DLGAP1: variants seen among roughly 807,000 people sequenced by gnomAD.
The protein encoded by DLGAP1 is DLG associated protein 1.
DLGAP1 carries 11 observed loss-of-function variants against 90.8 expected under a neutral mutation model. The observed-to-expected ratio is 0.12, with a 90% CI of 0.08 to 0.20. The LOEUF is 0.20. Ranked by LOEUF, DLGAP1 falls within the 10% of genes least tolerant of loss-of-function variation. The pLI is 1.00. For missense variants in DLGAP1, 1,050 were observed against 1,333.8 expected, an observed-to-expected ratio of 0.79 and a Z score of 3.31; for synonymous variants, 558 against 540.7, an observed-to-expected ratio of 1.03 and a Z score of -0.44.
chr18:3,529,433 A>T (rs1052844138), intron 10 of DLGAP1, among the ~76,000 whole-genome samples: 3 of 152,232 alleles, frequency 2.0e-5, no homozygotes, highest in African/African-American at 7.2e-5. Context: ...ATTTTGTTAT[A>T]GCAGCCTGAA....
At chr18:3,872,802 C>A (rs1159339875) in intron 4 of DLGAP1, among the ~76,000 whole-genome samples, 1 of 152,146 alleles carries the variant, frequency 6.6e-6, no homozygotes. Context: ...AATTTGCAAT[C>A]AAGCAAACTG....
In DLGAP1 at chr18:4,169,017, T is replaced by C. The variant is rs540085261; in HGVS notation, c.-266-17730A>G. 1.2e-4 allele frequency among the ~76,000 whole-genome samples: 19 copies of C among 152,374 alleles called. No individual in the cohort carries two copies. The South Asian group carries it at 3.7e-3, about 30-fold the overall frequency. On this transcript the variant is annotated intron_variant, in intron 1 of 12. Transcript: ENST00000315677. The stretch of plus-strand genomic sequence containing the variant: ...ATTAATATTGCTATGAGCATTAGTA[T>C]ACAAATATCTCTTTGAGTCTCTGCT...
intron 6 of DLGAP1, among the ~76,000 whole-genome samples, chr18:3,737,979 A>G (rs1248922056): frequency 3.4e-5 from 5 of 147,866 alleles, no homozygotes; most frequent in Non-Finnish European, 3.0e-5. Flanking sequence ...ATACACCAAC[A>G]ACAGACAAAC....
intron 1 of DLGAP1, among the ~76,000 whole-genome samples, chr18:4,349,186 T>C (rs2143956042): frequency 6.6e-6 from 1 of 152,286 alleles, no homozygotes; most frequent in East Asian, 1.9e-4. Context: ...TATGACACAC[T>C]GAGAAAGTCA....
intron 3 of DLGAP1, among the ~76,000 whole-genome samples, chr18:3,935,073 T>C (rs1332320378): frequency 1.3e-5 from 2 of 152,232 alleles, no homozygotes; most frequent in African/African-American, 4.8e-5. Context: ...TAGAAAAGAA[T>C]ACATACTGGC....
chr18:4,184,848 C>T (rs535757262), intron 1 of DLGAP1, among the ~76,000 whole-genome samples: 1 of 152,056 alleles, frequency 6.6e-6, no homozygotes, highest in South Asian at 2.1e-4. Context: ...CCTGCAAAAG[C>T]CATTTATATT....
At chr18:4,197,188 T>TAAAAAAAAAAAAAAAAAAAAAAAAAAAAA (rs532844849) in intron 1 of DLGAP1, among the ~76,000 whole-genome samples, 2 of 73,752 alleles carry the variant, frequency 2.7e-5, no homozygotes, top group African/African-American at 1.0e-4. Context: ...TAAAAAAAAG[T>TAAAAAAAAAAAAAAAAAAAAAAAAAAAAA]AAAAAAAAAA....
chr18:3,879,238 G>A lies in DLGAP1; in HGVS notation c.831C>T (p.Ser277=), dbSNP rs776296412. ...TCACGGTGAGCGTGGAGGACCAGGC[G>A]CTCTTCTTCAGCAGCGGGGTGTCCA... ...VSLDTPLLKK[S]AWSSTLTVSR... is the part of the protein sequence containing the mutation. The change falls in exon 4 of 13, where the codon AGC becomes AGT. Residue 277 remains serine, a synonymous_variant. Transcript: ENST00000315677. This position sits in a 1 kb window ranked among gnomAD's most constrained non-coding sequence, Gnocchi z 6.6. The A allele has an allele frequency of 1.9e-6, 3 of 1,595,358 alleles. No homozygotes were observed. Among genetic ancestry groups the A allele is most frequent in the African/African-American group, 1.3e-5 (1 of 74,354 alleles).
At chr18:3,925,735 G>C (rs1286226756) in intron 3 of DLGAP1, among the ~76,000 whole-genome samples, 1 of 152,144 alleles carries the variant, frequency 6.6e-6, no homozygotes, top group Admixed American at 6.5e-5. Context: ...AGCTCAAGTT[G>C]TTCTCATTCA....
Position 3,499,498 on chromosome 18 carries a change from G to T in DLGAP1, c.2725-104C>A. On this transcript the variant is annotated intron_variant, in intron 12 of 12. Coordinates refer to ENST00000315677, the MANE Select transcript of DLGAP1 (RefSeq NM_004746.4). The surrounding 1 kb of genome is among the most constrained non-coding windows in gnomAD (Gnocchi z 6.4). ...AGAACACACAGTTTTTTACCTAGGGGTGGTTAGTTCTGATCTGCACACTGC... is the reference window on the plus strand; with the variant it reads ...AGAACACACAGTTTTTTACCTAGGGTTGGTTAGTTCTGATCTGCACACTGC... 7.1e-6 allele frequency: 9 copies of T among 1,260,466 alleles called. No individual in the cohort carries two copies. Among genetic ancestry groups the T allele is most frequent in the Non-Finnish European group, 9.9e-6 (9 of 908,016 alleles). The allele number at this position is 1,260,466 out of a possible 1,614,324, so 78.1% of individuals were successfully genotyped here. A position where few individuals can be genotyped will look rare whatever the true frequency, so the allele number is the denominator to read the frequency against.
At chr18:3,875,447 C>T (rs2148816370) in intron 4 of DLGAP1, among the ~76,000 whole-genome samples, 1 of 152,254 alleles carries the variant, frequency 6.6e-6, no homozygotes, top group East Asian at 1.9e-4. Context: ...GTTTCTGGCA[C>T]ATAATAGATA....
chr18:4,110,953 A>G (rs1009942270), intron 2 of DLGAP1, among the ~76,000 whole-genome samples: 6 of 152,126 alleles, frequency 3.9e-5, no homozygotes, highest in Non-Finnish European at 8.8e-5. Flanking sequence ...CAAAAGTCCT[A>G]TCGACTTACA....
intron 4 of DLGAP1, among the ~76,000 whole-genome samples, chr18:3,847,326 G>T (rs897768964): frequency 1.3e-5 from 2 of 152,152 alleles, no homozygotes; most frequent in Non-Finnish European, 2.9e-5. Context: ...GAGAAAGGAT[G>T]ACCCCAAATG....
chr18:3,944,876 C>G (rs760172021), intron 3 of DLGAP1, among the ~76,000 whole-genome samples: 1 of 152,162 alleles, frequency 6.6e-6, no homozygotes, highest in Non-Finnish European at 1.5e-5. Flanking sequence ...AGATTGGAAC[C>G]TAGCCATGGT....
At chr18:3,930,672 C>T (rs771506882) in intron 3 of DLGAP1, among the ~76,000 whole-genome samples, 5 of 152,078 alleles carry the variant, frequency 3.3e-5, no homozygotes, top group South Asian at 2.1e-4. Flanking sequence ...TGCTCTTCTA[C>T]GGATCCCAAA....
At chr18:3,601,845 G>GAAAAAAAAAA (rs1371086899) in intron 7 of DLGAP1, among the ~76,000 whole-genome samples, 1 of 10,840 alleles carries the variant, frequency 9.2e-5, no homozygotes, top group Non-Finnish European at 1.8e-4. Context: ...ACTCCATCTC[G>GAAAAAAAAAA]GAAAAAAAAA....
chr18:4,032,218 A>G (rs1347497197), intron 2 of DLGAP1, among the ~76,000 whole-genome samples: 1 of 152,240 alleles, frequency 6.6e-6, no homozygotes, highest in Non-Finnish European at 1.5e-5. Flanking sequence ...AATTTGCCTG[A>G]TAATAGCTGC....
intron 10 of DLGAP1, among the ~76,000 whole-genome samples, chr18:3,515,071 A>G (rs1413642108): frequency 6.6e-6 from 1 of 152,130 alleles, no homozygotes; most frequent in Non-Finnish European, 1.5e-5. Context: ...ATAAGACAAC[A>G]ATGAAGTTTG....
intron 2 of DLGAP1, among the ~76,000 whole-genome samples, chr18:4,109,779 TA>T (rs1334951178): frequency 1.3e-5 from 2 of 152,234 alleles, no homozygotes; most frequent in South Asian, 2.1e-4. Context: ...ATTTCCCCCA[TA>T]TTTTTTTTTA....
Sources: gnomAD v4.1 joint callset for allele counts (sites outside exome capture counted in the v4.1 genomes callset) on GRCh38, gnomAD v4.1.1 for gene constraint, Gnocchi (gnomAD v3.1) non-coding constraint, MANE v1.5 for transcripts, NCBI Gene and HGNC (gene_info 2026-07-23, HGNC 2026-07-21) for gene names.